The following PAH variants were observed in gnomAD, a reference collection of about 807,000 sequenced individuals.
PAH encodes phenylalanine-4-hydroxylase.
A neutral mutation model predicts 62.0 loss-of-function variants in PAH; 64 were observed. That is an observed-to-expected ratio of 1.03 (90% confidence interval 0.84 to 1.27). The LOEUF is 1.27. Ranked by LOEUF, PAH falls within the 50% of genes most tolerant of loss-of-function variation. The pLI, the probability that PAH is intolerant of heterozygous loss-of-function variation, is 0.00. For missense variants in PAH, 579 were observed against 542.8 expected, an observed-to-expected ratio of 1.07 and a Z score of -0.66; for synonymous variants, 195 against 196.2, an observed-to-expected ratio of 0.99 and a Z score of 0.05.
chr12:102,929,859 A>G (rs1222113175), intron 1 of PAH, among the ~76,000 whole-genome samples: 4 of 152,152 alleles, frequency 2.6e-5, no homozygotes, highest in Admixed American at 2.6e-4. Flanking sequence ...TGCTAAGTAG[A>G]TGGAGAGAAT....
intron 2 of PAH, among the ~76,000 whole-genome samples, chr12:102,908,659 G>A (rs1443455510): frequency 1.9e-5 from 1 of 51,520 alleles, no homozygotes; most frequent in Non-Finnish European, 3.3e-5. Flanking sequence ...CCCCCATTAT[G>A]AACATATGAA....
At chr12:102,857,605 A>G (rs1224632006) in intron 5 of PAH, among the ~76,000 whole-genome samples, 1 of 152,264 alleles carries the variant, frequency 6.6e-6, no homozygotes, top group Non-Finnish European at 1.5e-5. Flanking sequence ...AGGGAAGCCC[A>G]TCAGACTAAC....
At chr12:102,929,914 G>A (rs1310106044) in intron 1 of PAH, among the ~76,000 whole-genome samples, 1 of 152,168 alleles carries the variant, frequency 6.6e-6, no homozygotes, top group African/African-American at 2.4e-5. Flanking sequence ...AAGGAACAAA[G>A]AGATCTATTG....
At position 102,877,444 on chromosome 12, in the gene PAH, T is replaced by C. The variant is rs1876617046; in HGVS notation, c.441+18A>G. ...GAGAGGCACTGAAAAAATCTCATCC[T>C]ACGGGCCATGGACTCACAGGGTGGT... On this transcript the variant is annotated intron_variant, in intron 4 of 12. Transcript: ENST00000553106. 2 of 1,595,582 alleles carry C rather than the reference T, an allele frequency of 1.3e-6. No individual in the cohort carries two copies. Among genetic ancestry groups the C allele is most frequent in the Non-Finnish European group, 1.7e-6 (2 of 1,163,030 alleles).
intron 8 of PAH, among the ~76,000 whole-genome samples, chr12:102,851,417 T>C (rs1159843978): frequency 6.6e-6 from 1 of 152,180 alleles, no homozygotes; most frequent in Non-Finnish European, 1.5e-5. Context: ...GAGGCTTTCA[T>C]GGATGAAAGG....
chr12:102,918,927 G>A (rs1399347710), upstream of PAH, among the ~76,000 whole-genome samples: 1 of 149,544 alleles, frequency 6.7e-6, no homozygotes, highest in Non-Finnish European at 1.5e-5. Flanking sequence ...CTACTTGAGG[G>A]CAATGAATGT....
chr12:102,864,550 C>T (rs898269661), intron 5 of PAH, among the ~76,000 whole-genome samples: 8 of 151,974 alleles, frequency 5.3e-5, no homozygotes, highest in African/African-American at 1.5e-4. Context: ...AAATCACAAA[C>T]GAAAGCACAA....
At chr12:102,915,030 T>C (rs1878332898) in intron 1 of PAH, 1 of 152,360 alleles carries the variant, frequency 6.6e-6, no homozygotes. Context: ...TTGCTGATGT[T>C]TGGCAGTTTC....
chr12:102,936,599 G>A (rs954065044), intron 1 of PAH, among the ~76,000 whole-genome samples: 6 of 151,950 alleles, frequency 3.9e-5, no homozygotes, highest in Non-Finnish European at 2.9e-5. Context: ...TTATTATATT[G>A]TCTTGATGAA....
Position 102,837,658 on chromosome 12 carries a change from A to C in PAH, c.*1517T>G, listed in dbSNP as rs1423310893. Reference sequence around the variant, plus strand: ...GGATCAGGCATAGCTATATAAAGACACATATGAACACTTGAATCATATTTC... The same window carrying C: ...GGATCAGGCATAGCTATATAAAGACCCATATGAACACTTGAATCATATTTC... On this transcript the variant is annotated 3_prime_UTR_variant, in exon 13 of 13. Coordinates refer to ENST00000553106, the MANE Select transcript of PAH (RefSeq NM_000277.3). The C allele has an allele frequency of 1.3e-5, 2 of 152,240 alleles. No homozygotes were observed. Among genetic ancestry groups the C allele is most frequent in the African/African-American group, 4.8e-5 (2 of 41,460 alleles). 9.4% of individuals were successfully genotyped at this position (152,240 alleles called of 1,614,324 possible).
At chr12:102,931,405 A>G (rs1451486973) in intron 1 of PAH, among the ~76,000 whole-genome samples, 1 of 152,048 alleles carries the variant, frequency 6.6e-6, no homozygotes, top group Non-Finnish European at 1.5e-5. Context: ...GTGCTGGGGG[A>G]ATGCGCCACA....
In PAH at chr12:102,912,742, G is replaced by A. The variant is rs1878248232; in HGVS notation, c.168+49C>T. ...ATTGCATCTAACTAGAAAAGAACAT[G>A]GAAGTTTGCTACGACATTATCCAAG... On this transcript the variant is annotated intron_variant, in intron 2 of 12. Coordinates refer to ENST00000553106, the MANE Select transcript of PAH (RefSeq NM_000277.3). 3 of 1,266,052 alleles carry A rather than the reference G, an allele frequency of 2.4e-6. No individual in the cohort carries two copies. The African/African-American group carries it at 4.4e-5, about 19-fold the overall frequency. 78.4% of individuals were successfully genotyped at this position (1,266,052 alleles called of 1,614,324 possible).
intron 2 of PAH, chr12:102,904,844 C>T (rs1877908969): frequency 2.9e-6 from 1 of 350,514 alleles, no homozygotes; most frequent in South Asian, 2.4e-5. Flanking sequence ...CCCTGCTCTA[C>T]CAAGCTACTT....
chr12:102,910,372 CT>C (rs766959541), intron 2 of PAH, among the ~76,000 whole-genome samples: 228 of 141,372 alleles, frequency 1.6e-3, no homozygotes, highest in South Asian at 3.6e-3. Context: ...CTTGAAATTC[CT>C]TTTTTTTTTT....
chr12:102,909,170 C>T (rs894043505), intron 2 of PAH, among the ~76,000 whole-genome samples: 2 of 152,040 alleles, frequency 1.3e-5, no homozygotes, highest in Non-Finnish European at 2.9e-5. Flanking sequence ...CTGTGACAGT[C>T]GCTCAGACAG....
chr12:102,856,498 C>T (rs1875437699), intron 5 of PAH, among the ~76,000 whole-genome samples: 2 of 152,190 alleles, frequency 1.3e-5, no homozygotes, highest in South Asian at 4.1e-4. Context: ...GTTCTCCCAG[C>T]ATGGAGTTTG....
chr12:102,872,248 C>A lies in PAH; in HGVS notation c.441+5214G>T, dbSNP rs527543389. On this transcript the variant is annotated intron_variant, in intron 4 of 12. Transcript: ENST00000553106. ...TTATTGTCTTATGGAACATTAATCA[C>A]TTGTGCATCCATCTTTGTGACCTTA... Among the ~76,000 whole-genome samples the A allele has an allele frequency of 2.8e-4, 43 of 152,216 alleles. 1 individual carries two copies. The South Asian group carries it at 7.5e-3, about 26-fold the overall frequency.
chr12:102,935,867 T>G (rs887250935), intron 1 of PAH, among the ~76,000 whole-genome samples: 2 of 152,012 alleles, frequency 1.3e-5, no homozygotes, highest in Non-Finnish European at 1.5e-5. Flanking sequence ...TCTGTTGTAT[T>G]GTTTTCTTTG....
At chr12:102,893,753 T>C (rs1877376733) in intron 3 of PAH, among the ~76,000 whole-genome samples, 1 of 152,238 alleles carries the variant, frequency 6.6e-6, no homozygotes, top group African/African-American at 2.4e-5. Flanking sequence ...ATTTCTATAC[T>C]CTACCACCCT....
Sources: gnomAD v4.1 joint callset for allele counts (sites outside exome capture counted in the v4.1 genomes callset) on GRCh38, gnomAD v4.1.1 for gene constraint, MANE v1.5 for transcripts, NCBI Gene and HGNC (gene_info 2026-07-23, HGNC 2026-07-21) for gene names.